Variants in CNBD1 observed in about 807,000 individuals in gnomAD.
CNBD1 encodes the protein cyclic nucleotide-binding domain-containing protein 1.
Under a neutral mutation model 54.4 loss-of-function variants are expected in CNBD1, and 71 were observed. The observed-to-expected ratio is 1.30, with a 90% CI of 1.08 to 1.59. The LOEUF is 1.59. CNBD1 is among the 40% of genes most tolerant of loss of function. The pLI, the probability that CNBD1 is intolerant of heterozygous loss-of-function variation, is 0.00. For synonymous variants in CNBD1, 182 were observed against 170.7 expected (o/e 1.07, Z -0.51); for missense variants, 659 against 518.0 (o/e 1.27, Z -2.64).
chr8:87,389,698 T>G (rs1811268309), intron 2 of CNBD1, among the ~76,000 whole-genome samples: 1 of 152,166 alleles, frequency 6.6e-6, no homozygotes, highest in Non-Finnish European at 1.5e-5. Flanking sequence ...ATAGATTCAA[T>G]GCCATCCCCA....
intron 6 of CNBD1, among the ~76,000 whole-genome samples, chr8:87,264,121 A>G (rs1342860449): frequency 2.0e-5 from 3 of 152,042 alleles, no homozygotes; most frequent in African/African-American, 7.2e-5. Context: ...AACATTAGGT[A>G]TATCTCTTAA....
intron 2 of CNBD1, among the ~76,000 whole-genome samples, chr8:87,390,740 G>A (rs1488210070): frequency 6.6e-6 from 1 of 152,036 alleles, no homozygotes; most frequent in Admixed American, 6.6e-5. Flanking sequence ...CCCATTACTG[G>A]GTATATACCC....
intron 1 of CNBD1, among the ~76,000 whole-genome samples, chr8:86,881,236 T>C (rs1020328235): frequency 2.3e-4 from 35 of 152,210 alleles, no homozygotes; most frequent in African/African-American, 8.4e-4. Context: ...GAAGTAAAAC[T>C]ATCCCTGTTT....
At chr8:87,058,004 C>A (rs1810459335) in intron 4 of CNBD1, among the ~76,000 whole-genome samples, 1 of 152,002 alleles carries the variant, frequency 6.6e-6, no homozygotes, top group South Asian at 2.1e-4. Context: ...CCTGTAAAAC[C>A]AAAAGCAAAT....
rs1391915460 is a variant in CNBD1, at chr8:86,866,430, A to T, written c.-66A>T. On this transcript the variant is annotated 5_prime_UTR_variant, in exon 1 of 11. Transcript: ENST00000518476. ...TTGAAGTTCTGCTTTATGAGCCTGC[A>T]GGCAAAGAGTGATCATTTGCCTCTC... The T allele has an allele frequency of 3.5e-6, 4 of 1,137,598 alleles. No homozygotes were observed. The Admixed American group carries it at 7.9e-5, about 22-fold the overall frequency. The allele number at this position is 1,137,598 out of a possible 1,614,324, so 70.5% of individuals were successfully genotyped here. A position where few individuals can be genotyped will look rare whatever the true frequency, so the allele number is the denominator to read the frequency against.
intron 2 of CNBD1, among the ~76,000 whole-genome samples, chr8:87,414,378 G>T (rs557328565): frequency 1.6e-4 from 24 of 152,096 alleles, no homozygotes; most frequent in Admixed American, 3.9e-4. Context: ...GTTGTGGGGT[G>T]GGGAGAGGTG....
chr8:86,961,700 A>T (rs899507617), intron 4 of CNBD1, among the ~76,000 whole-genome samples: 1 of 152,194 alleles, frequency 6.6e-6, no homozygotes, highest in African/African-American at 2.4e-5. Context: ...TCCAGAGGCA[A>T]TGGCCTACCA....
At chr8:87,388,295 A>G (rs956269576) in intron 2 of CNBD1, among the ~76,000 whole-genome samples, 1 of 152,222 alleles carries the variant, frequency 6.6e-6, no homozygotes, top group African/African-American at 2.4e-5. Context: ...AAACCCTTCA[A>G]AAAATCAATG....
chr8:87,387,283 A>G (rs1811208768), downstream of CNBD1, among the ~76,000 whole-genome samples: 1 of 152,150 alleles, frequency 6.6e-6, no homozygotes, highest in African/African-American at 2.4e-5. Flanking sequence ...AATGGGCTAA[A>G]CACTCCAATT....
intron 4 of CNBD1, among the ~76,000 whole-genome samples, chr8:87,140,261 T>C (rs1713328929): frequency 6.6e-6 from 1 of 152,130 alleles, no homozygotes. Context: ...TTGTACAATA[T>C]AGCTCACCTT....
chr8:87,085,927 A>G (rs1208814782), intron 4 of CNBD1, among the ~76,000 whole-genome samples: 1 of 152,022 alleles, frequency 6.6e-6, no homozygotes, highest in Non-Finnish European at 1.5e-5. Flanking sequence ...TGCAGTTGTA[A>G]TGGGTCCCCA....
At chr8:86,919,164 G>A (rs181454143) in intron 3 of CNBD1, among the ~76,000 whole-genome samples, 14 of 152,054 alleles carry the variant, frequency 9.2e-5, no homozygotes, top group Admixed American at 2.6e-4. Context: ...AAGACAAAAC[G>A]ATGTAAACAA....
intron 8 of CNBD1, among the ~76,000 whole-genome samples, chr8:87,316,219 A>G (rs1809382218): frequency 6.6e-6 from 1 of 152,058 alleles, no homozygotes; most frequent in South Asian, 2.1e-4. Flanking sequence ...TTTGTCATAT[A>G]CAAATGACTC....
intron 10 of CNBD1, among the ~76,000 whole-genome samples, chr8:87,376,003 T>A (rs1810922811): frequency 6.6e-6 from 1 of 151,944 alleles, no homozygotes; most frequent in African/African-American, 2.4e-5. Flanking sequence ...TTATGTTGGT[T>A]GGCAAATTTA....
intron 4 of CNBD1, among the ~76,000 whole-genome samples, chr8:87,192,612 C>G (rs559807854): frequency 6.6e-6 from 1 of 152,262 alleles, no homozygotes; most frequent in South Asian, 2.1e-4. Context: ...CCTTGATGCT[C>G]TTTATAACTG....
chr8:87,057,419 C>T (rs1810439240), intron 4 of CNBD1, among the ~76,000 whole-genome samples: 1 of 152,156 alleles, frequency 6.6e-6, no homozygotes. Context: ...CACCATGATT[C>T]AATTACTTCC....
At chr8:87,139,399 A>T (rs925258682) in intron 4 of CNBD1, among the ~76,000 whole-genome samples, 4 of 152,180 alleles carry the variant, frequency 2.6e-5, no homozygotes, top group Non-Finnish European at 5.9e-5. Flanking sequence ...ATTGAGTTCT[A>T]ACCACACAAA....
chr8:87,302,144 AAG>A (rs1809012793), intron 8 of CNBD1, among the ~76,000 whole-genome samples: 2 of 152,020 alleles, frequency 1.3e-5, no homozygotes, highest in African/African-American at 4.8e-5. Flanking sequence ...TTTATGAGGC[AAG>A]CATCATCCTG....
intron 4 of CNBD1, among the ~76,000 whole-genome samples, chr8:87,057,544 C>G (rs117836278): frequency 1.3e-5 from 2 of 152,138 alleles, no homozygotes; most frequent in African/African-American, 4.8e-5. Context: ...ATGTCATGTC[C>G]TCACATTTCA....
Sources: allele counts gnomAD v4.1 joint callset (sites outside exome capture counted in the v4.1 genomes callset), GRCh38; gene constraint gnomAD v4.1.1; transcripts MANE v1.5; gene names NCBI Gene and HGNC (gene_info 2026-07-23, HGNC 2026-07-21).